Variants in SLC8A2 observed in about 807,000 individuals in gnomAD.
SLC8A2 encodes the protein sodium/calcium exchanger 2.
A neutral mutation model predicts 70.2 loss-of-function variants in SLC8A2; 14 were observed. The ratio of observed to expected loss-of-function variants is 0.20; its 90% CI spans 0.13 to 0.31. The LOEUF (loss-of-function observed/expected upper bound fraction) is 0.31. Among genes scored for constraint, SLC8A2 ranks in the 10% least tolerant of loss-of-function variants. The pLI, the probability that SLC8A2 is intolerant of heterozygous loss-of-function variation, is 1.00. For synonymous variants in SLC8A2, 575 were observed against 594.3 expected (o/e 0.97, Z 0.47); for missense variants, 779 against 1,320.1 (o/e 0.59, Z 6.35).
At chr19:47,437,696 G>A in intron 7 of SLC8A2, 135 bp from the exon 8 acceptor site, 2 of 1,161,480 alleles carry the variant, frequency 1.7e-6, no homozygotes, top group Non-Finnish European at 2.5e-6. Context: ...CTGAAGGCAA[G>A]CAAGGAAAAG....
intron 3 of SLC8A2, among the ~76,000 whole-genome samples, chr19:47,449,020 T>TA (rs1967204311): frequency 6.6e-6 from 1 of 152,206 alleles, no homozygotes; most frequent in Non-Finnish European, 1.5e-5. Context: ...ATGATTTAAT[T>TA]ACGGTTCATT....
chr19:47,459,753 CCATCTGTGTG>C (rs901915399), intron 2 of SLC8A2, among the ~76,000 whole-genome samples: 1 of 150,724 alleles, frequency 6.6e-6, no homozygotes, highest in African/African-American at 2.4e-5. Context: ...ACGTGTGTGT[CCATCTGTGTG>C]CATGTGTGTG....
At position 47,430,056 on chromosome 19, in the gene SLC8A2, G is replaced by A; in HGVS notation, c.*33C>T. On this transcript the variant is annotated 3_prime_UTR_variant, in exon 10 of 10. Transcript: ENST00000236877. The surrounding 1 kb of genome is among the most constrained non-coding windows in gnomAD (Gnocchi z 5.9). ...GGTGCAGCCGAGTCCCTAGCCCCGG[G>A]CGGGCGGTGGGGACGAGTCTCTGCG... The A allele has an allele frequency of 6.4e-7, 1 of 1,551,608 alleles. No individual in the cohort carries two copies. The highest frequency in any genetic ancestry group is 8.7e-7 in the Non-Finnish European group (1 of 1,147,800).
Position 47,468,052 on chromosome 19 carries a change from C to T in SLC8A2, c.-16-1633G>A, listed in dbSNP as rs1474438517. 6.6e-6 allele frequency among the ~76,000 whole-genome samples: 1 copy of T among 151,822 alleles called. No homozygotes were observed. Among genetic ancestry groups the T allele is most frequent in the Non-Finnish European group, 1.5e-5 (1 of 67,960 alleles). ...ACAAAGCCCACAAATCAGCTTGCCTCATCCCCCTACTGTTCAGAACCCCCG... is the reference window on the plus strand; with the variant it reads ...ACAAAGCCCACAAATCAGCTTGCCTTATCCCCCTACTGTTCAGAACCCCCG... On this transcript the variant is annotated intron_variant, in intron 1 of 9. Coordinates refer to ENST00000236877, the MANE Select transcript of SLC8A2 (RefSeq NM_015063.3). This position sits in a 1 kb window ranked among gnomAD's most constrained non-coding sequence, Gnocchi z 5.1.
At chr19:47,431,226 A>G (rs887207334) in intron 9 of SLC8A2, among the ~76,000 whole-genome samples, 2 of 151,332 alleles carry the variant, frequency 1.3e-5, no homozygotes, top group Non-Finnish European at 2.9e-5. Flanking sequence ...ACGGGGTTTC[A>G]CCATGTTGCC....
At chr19:47,439,630 C>CTTCCTTCCTTCCTTCCTTCCTTCT in intron 6 of SLC8A2, among the ~76,000 whole-genome samples, 1 of 151,290 alleles carries the variant, frequency 6.6e-6, no homozygotes, top group African/African-American at 2.4e-5. Context: ...TCCTTCCTTC[C>CTTCCTTCCTTCCTTCCTTCCTTCT]TTCCTTCCTT....
At chr19:47,449,995 C>T (rs1039997356) in intron 3 of SLC8A2, among the ~76,000 whole-genome samples, 17 of 151,856 alleles carry the variant, frequency 1.1e-4, no homozygotes, top group South Asian at 4.2e-4. Context: ...TGGGGGGAGC[C>T]GGGGAGGGAA....
intron 2 of SLC8A2, among the ~76,000 whole-genome samples, chr19:47,461,835 C>T (rs186094210): frequency 7.2e-4 from 110 of 152,274 alleles, no homozygotes; most frequent in Non-Finnish European, 8.8e-4. Flanking sequence ...GTGATTCTAG[C>T]CGATTCACAA....
rs944225918 is a variant in SLC8A2 at position 47,465,446 on chromosome 19, AGTGCAAAAC to A, written c.675+274_675+282del. 1.3e-4 allele frequency among the ~76,000 whole-genome samples: 20 copies of A among 152,234 alleles called. No homozygotes were observed. Among genetic ancestry groups the A allele is most frequent in the Admixed American group, 8.5e-4 (13 of 15,238 alleles). On this transcript the variant is annotated intron_variant, in intron 2 of 9. Coordinates refer to ENST00000236877, the MANE Select transcript of SLC8A2 (RefSeq NM_015063.3). The surrounding 1 kb of genome is among the most constrained non-coding windows in gnomAD (Gnocchi z 5.5). ...CTTCCAAGTGAGTGTACTGTTCTTA[AGTGCAAAAC>A]AGTGCGTCCCTCTGGACAAATAAAT...
At position 47,448,737 on chromosome 19, in the gene SLC8A2, A is replaced by G; in HGVS notation, c.1341-506T>C. Among the ~76,000 whole-genome samples, 1 of 152,186 alleles carries G rather than the reference A, an allele frequency of 6.6e-6. No homozygotes were observed. The highest frequency in any genetic ancestry group is 1.9e-4 in the East Asian group (1 of 5,200). On this transcript the variant is annotated intron_variant, in intron 3 of 9. Transcript: ENST00000236877. This position sits in a 1 kb window ranked among gnomAD's most constrained non-coding sequence, Gnocchi z 4.8. ...TAGAATCGCATTTCTAACGAGCTCC[A>G]GGGGATGTCCTGGTCACATTTTAAG...
At chr19:47,458,206 T>A (rs1568446321) in intron 2 of SLC8A2, among the ~76,000 whole-genome samples, 2 of 132,370 alleles carry the variant, frequency 1.5e-5, no homozygotes. Context: ...TCTCCCCACC[T>A]CTTTCTGACT....
At chr19:47,444,676 GTGACAGGCACGTCAACTGCGCC>G (rs1321103883) in intron 4 of SLC8A2, among the ~76,000 whole-genome samples, 1 of 152,214 alleles carries the variant, frequency 6.6e-6, no homozygotes, top group Non-Finnish European at 1.5e-5. Flanking sequence ...CTGACGTGCA[GTGACAGGCACGTCAACTGCGCC>G]TGGCAGGCGC....
rs1273154484 is a variant in SLC8A2, at chr19:47,466,473, T to C, written c.-16-54A>G. The C allele has an allele frequency of 3.1e-6, 2 of 645,116 alleles. No individual in the cohort carries two copies. Among genetic ancestry groups the C allele is most frequent in the Non-Finnish European group, 5.3e-6 (2 of 380,922 alleles). 40.0% of individuals were successfully genotyped at this position (645,116 alleles called of 1,614,324 possible). On this transcript the variant is annotated intron_variant, in intron 1 of 9. Transcript: ENST00000236877. This position sits in a 1 kb window ranked among gnomAD's most constrained non-coding sequence, Gnocchi z 6.9. ...GAGGGAAGCAAACCTCTTTCTGTCA[T>C]ACAAAGGTCAAAGCTCACTGGGGAA...
At chr19:47,441,746 AG>A (rs1967102424) in intron 4 of SLC8A2, among the ~76,000 whole-genome samples, 1 of 152,202 alleles carries the variant, frequency 6.6e-6, no homozygotes, top group African/African-American at 2.4e-5. Flanking sequence ...GCTTGAGGCC[AG>A]GAGTTCAAGA....
rs1487428974 is a variant in SLC8A2 at position 47,448,336 on chromosome 19, A to T, written c.1341-105T>A. 1.2e-6 allele frequency: 1 copy of T among 809,512 alleles called. No individual in the cohort carries two copies. The highest frequency in any genetic ancestry group is 1.9e-6 in the Non-Finnish European group (1 of 517,898). 50.1% of individuals were successfully genotyped at this position (809,512 alleles called of 1,614,324 possible). On this transcript the variant is annotated intron_variant, in intron 3 of 9. Transcript: ENST00000236877. This position sits in a 1 kb window ranked among gnomAD's most constrained non-coding sequence, Gnocchi z 4.8. Reference sequence around the variant, plus strand: ...GCTTCCCAGAGGAGACGTAGGTGCCATAGAAGAACTCCCAAGTATGAGGGT... The same window carrying T: ...GCTTCCCAGAGGAGACGTAGGTGCCTTAGAAGAACTCCCAAGTATGAGGGT...
chr19:47,440,622 G>A (rs1405717711), intron 6 of SLC8A2, among the ~76,000 whole-genome samples: 1 of 148,620 alleles, frequency 6.7e-6, no homozygotes, highest in Admixed American at 6.7e-5. Flanking sequence ...GCAGAGTTTC[G>A]TTCTTGTTCC....
intron 6 of SLC8A2, among the ~76,000 whole-genome samples, chr19:47,439,640 T>TCCTTCCTC (rs1555747529): frequency 6.7e-6 from 1 of 149,680 alleles, no homozygotes; most frequent in Non-Finnish European, 1.5e-5. Context: ...CTTCCTTCCT[T>TCCTTCCTC]CCTCCCCTCC....
chr19:47,451,034 G>A (rs1311639627), intron 3 of SLC8A2, among the ~76,000 whole-genome samples: 5 of 140,536 alleles, frequency 3.6e-5, no homozygotes, highest in Admixed American at 7.2e-5. Flanking sequence ...TTTTTGAGAC[G>A]GAGTCACCCT....
intron 1 of SLC8A2, among the ~76,000 whole-genome samples, chr19:47,470,455 C>A (rs1044922608): frequency 1.3e-5 from 2 of 152,072 alleles, no homozygotes; most frequent in Admixed American, 6.5e-5. Context: ...TTCTCCAGGG[C>A]CCCCTTCTCT....
Sources: gnomAD v4.1 joint callset for allele counts (sites outside exome capture counted in the v4.1 genomes callset) on GRCh38, gnomAD v4.1.1 for gene constraint, Gnocchi (gnomAD v3.1) non-coding constraint, MANE v1.5 for transcripts, NCBI Gene and HGNC (gene_info 2026-07-23, HGNC 2026-07-21) for gene names.